SMAP1: variants seen among roughly 807,000 people sequenced by gnomAD.
The protein encoded by SMAP1 is small ArfGAP 1.
SMAP1 carries 24 observed loss-of-function variants against 58.5 expected under a neutral mutation model. The observed-to-expected ratio is 0.41, with a 90% CI of 0.30 to 0.58. The LOEUF is 0.58. Ranked by LOEUF, SMAP1 falls within the 20% of genes least tolerant of loss-of-function variation. SMAP1 has a pLI of 0.29. For synonymous variants in SMAP1, 216 were observed against 196.6 expected (o/e 1.10, Z -0.82); for missense variants, 563 against 566.3 (o/e 0.99, Z 0.06).
At chr6:70,835,398 C>T (rs1770539709) in intron 6 of SMAP1, among the ~76,000 whole-genome samples, 1 of 151,742 alleles carries the variant, frequency 6.6e-6, no homozygotes, top group Non-Finnish European at 1.5e-5. Flanking sequence ...TAATAGCTAA[C>T]AAAAAATGAA....
intron 6 of SMAP1, among the ~76,000 whole-genome samples, chr6:70,816,918 A>G (rs1490169165): frequency 5.3e-5 from 8 of 152,116 alleles, no homozygotes; most frequent in African/African-American, 1.2e-4. Context: ...ATTTATAACA[A>G]TTATAAAAGG....
At position 70,860,440 on chromosome 6, in the gene SMAP1, T is replaced by TTTGTTCATATTAAGAATGATC; in HGVS notation, c.*108_*128dup. Reference sequence around the variant, plus strand: ...TGCATATTTTTTTTCTTTTTACCCATTTGTTCATATTAAGAATGATCTGAT... The same window carrying TTTGTTCATATTAAGAATGATC: ...TGCATATTTTTTTTCTTTTTACCCATTTGTTCATATTAAGAATGATCTTGTTCATATTAAGAATGATCTGAT... On this transcript the variant is annotated 3_prime_UTR_variant, in exon 11 of 11. Coordinates refer to ENST00000370455, the MANE Select transcript of SMAP1 (RefSeq NM_001044305.3). The TTTGTTCATATTAAGAATGATC allele has an allele frequency of 1.5e-6, 2 of 1,319,110 alleles. No homozygotes were observed. Among genetic ancestry groups the TTTGTTCATATTAAGAATGATC allele is most frequent in the Non-Finnish European group, 2.1e-6 (2 of 971,854 alleles). 81.7% of individuals were successfully genotyped at this position (1,319,110 alleles called of 1,614,324 possible). A position where few individuals can be genotyped will look rare whatever the true frequency, so the allele number is the denominator to read the frequency against.
chr6:70,680,712 GTTTTTTTTTT>G (rs34867967), intron 1 of SMAP1, among the ~76,000 whole-genome samples: 1 of 78,980 alleles, frequency 1.3e-5, no homozygotes, highest in African/African-American at 4.9e-5. Context: ...TGGATTTCCT[GTTTTTTTTTT>G]TTTTTTTTTT....
intron 1 of SMAP1, among the ~76,000 whole-genome samples, chr6:70,676,116 C>T (rs961523114): frequency 2.6e-5 from 4 of 152,270 alleles, no homozygotes; most frequent in Admixed American, 2.0e-4. Context: ...AGCACCCGGA[C>T]GCTTGCTCCT....
At chr6:70,857,884 A>T in intron 9 of SMAP1, 38 bp from the exon 10 acceptor site, 1 of 1,599,748 alleles carries the variant, frequency 6.3e-7, no homozygotes, top group Non-Finnish European at 8.5e-7. Flanking sequence ...ACTACACGTG[A>T]TAGCTCTGTC....
intron 1 of SMAP1, among the ~76,000 whole-genome samples, chr6:70,679,442 A>G (rs530697539): frequency 6.6e-6 from 1 of 152,352 alleles, no homozygotes; most frequent in East Asian, 1.9e-4. Flanking sequence ...TGCAAGAGTC[A>G]TTTAACAATC....
At chr6:70,706,103 G>A (rs1029528341) in intron 1 of SMAP1, among the ~76,000 whole-genome samples, 67 of 152,252 alleles carry the variant, frequency 4.4e-4, no homozygotes, top group African/African-American at 1.3e-3. Context: ...TAGAAACACC[G>A]AAAGGGAAAG....
At chr6:70,695,552 G>T (rs1353057166) in intron 1 of SMAP1, among the ~76,000 whole-genome samples, 1 of 152,042 alleles carries the variant, frequency 6.6e-6, no homozygotes, top group Admixed American at 6.6e-5. Flanking sequence ...TTTGGTTTTT[G>T]TCCTTCATTC....
chr6:70,726,124 G>A (rs1768775495), intron 1 of SMAP1, among the ~76,000 whole-genome samples: 1 of 152,062 alleles, frequency 6.6e-6, no homozygotes, highest in Non-Finnish European at 1.5e-5. Context: ...TCTTTAAAAT[G>A]GAGTGGTAAT....
In SMAP1 at chr6:70,860,150, A is replaced by G. The variant is rs368477251; in HGVS notation, c.1270-50A>G. On this transcript the variant is annotated intron_variant, in intron 10 of 10. Coordinates refer to ENST00000370455, the MANE Select transcript of SMAP1 (RefSeq NM_001044305.3). ...CAACTGTGTGGCTAAAGAAACAAGA[A>G]TTAAAAGTGAAGTAAGCCTCTTGAA... is the stretch of plus-strand genomic sequence containing the variant. 9.2e-6 allele frequency: 14 copies of G among 1,527,440 alleles called. No homozygotes were observed. The African/African-American group carries it at 1.9e-4, about 21-fold the overall frequency. 94.6% of individuals were successfully genotyped at this position (1,527,440 alleles called of 1,614,324 possible).
chr6:70,746,190 C>T (rs995261693), intron 2 of SMAP1, among the ~76,000 whole-genome samples: 1 of 152,144 alleles, frequency 6.6e-6, no homozygotes, highest in Non-Finnish European at 1.5e-5. Context: ...ATTGCCCTGG[C>T]CAGAACTTCC....
At chr6:70,765,151 A>G (rs1198600814) in intron 3 of SMAP1, among the ~76,000 whole-genome samples, 1 of 152,140 alleles carries the variant, frequency 6.6e-6, no homozygotes, top group Non-Finnish European at 1.5e-5. Flanking sequence ...TAATAAATGG[A>G]ATGTTTAGAT....
intron 3 of SMAP1, among the ~76,000 whole-genome samples, chr6:70,771,694 T>G (rs1186527087): frequency 1.3e-5 from 2 of 152,144 alleles, no homozygotes; most frequent in Non-Finnish European, 2.9e-5. Context: ...CCCTGTCCCT[T>G]TGCGCTTCCC....
rs1277946396 is a variant in SMAP1 at position 70,858,125 on chromosome 6, C to G, written c.1165C>G (p.Gln389Glu). Residue 389 changes from glutamine to glutamate, a missense_variant, in exon 10 of 11, where the codon CAG (glutamine) becomes GAG (glutamate). Coordinates refer to ENST00000370455, the MANE Select transcript of SMAP1 (RefSeq NM_001044305.3). ...NAQTGVMPLP[Q>E]NVVGPQGGMV... is the part of the protein sequence containing the mutation. ...ACAAACTGGTGTGATGCCACTTCCT[C>G]AGAACGTTGTTGGCCCCCAAGGAGG... The G allele has an allele frequency of 6.2e-7, 1 of 1,613,874 alleles. No homozygotes were observed. Among genetic ancestry groups the G allele is most frequent in the Non-Finnish European group, 8.5e-7 (1 of 1,179,986 alleles).
intron 6 of SMAP1, among the ~76,000 whole-genome samples, chr6:70,833,855 G>A (rs1327072479): frequency 2.6e-5 from 4 of 152,118 alleles, no homozygotes; most frequent in African/African-American, 9.7e-5. Flanking sequence ...GGCCCCACCT[G>A]CAATTTGATA....
At chr6:70,675,250 T>C (rs1031401587) in intron 1 of SMAP1, among the ~76,000 whole-genome samples, 3 of 143,706 alleles carry the variant, frequency 2.1e-5, no homozygotes, top group Non-Finnish European at 4.5e-5. Context: ...CTTCACACTT[T>C]ACATATACTA....
chr6:70,830,723 CAT>C (rs1020099339), intron 6 of SMAP1, among the ~76,000 whole-genome samples: 4 of 152,208 alleles, frequency 2.6e-5, no homozygotes, highest in African/African-American at 9.6e-5. Flanking sequence ...ATCCATTACA[CAT>C]ATGTCTGTGT....
intron 5 of SMAP1, among the ~76,000 whole-genome samples, chr6:70,797,594 C>T (rs779160597): frequency 1.3e-5 from 2 of 151,966 alleles, no homozygotes; most frequent in Non-Finnish European, 2.9e-5. Flanking sequence ...GTTGCAAAGC[C>T]CTTTGAACTT....
chr6:70,757,220 C>G (rs1443447021), intron 3 of SMAP1, among the ~76,000 whole-genome samples: 2 of 149,328 alleles, frequency 1.3e-5, no homozygotes, highest in Admixed American at 6.7e-5. Context: ...CGCCGCATAT[C>G]TACAACTATC....
Sources: allele counts gnomAD v4.1 joint callset (sites outside exome capture counted in the v4.1 genomes callset), GRCh38; gene constraint gnomAD v4.1.1; transcripts MANE v1.5; gene names NCBI Gene and HGNC (gene_info 2026-07-23, HGNC 2026-07-21).